Variants in ADAMTS18 observed in about 807,000 individuals in gnomAD.
The protein encoded by ADAMTS18 is ADAM metallopeptidase with thrombospondin type 1 motif 18, also known as A disintegrin and metalloproteinase with thrombospondin motifs 18.
ADAMTS18 carries 157 observed loss-of-function variants against 165.9 expected under a neutral mutation model. The ratio of observed to expected loss-of-function variants is 0.95; its 90% CI spans 0.83 to 1.08. ADAMTS18 has a LOEUF of 1.08. Among genes scored for constraint, ADAMTS18 ranks in the 50% least tolerant of loss-of-function variants. ADAMTS18 has a pLI of 0.00. For missense variants in ADAMTS18, 2,040 were observed against 1,534.0 expected (o/e 1.33, Z -5.51); for synonymous variants, 782 against 578.2 (o/e 1.35, Z -5.06).
intron 3 of ADAMTS18, among the ~76,000 whole-genome samples, chr16:77,426,180 C>T (rs2057670529): frequency 6.6e-6 from 1 of 152,146 alleles, no homozygotes; most frequent in Admixed American, 6.5e-5. Flanking sequence ...TGTTTAGCTT[C>T]CTTTAAACCT....
In ADAMTS18 at chr16:77,434,438, C is replaced by T. The variant is rs1200439414; in HGVS notation, c.158G>A (p.Gly53Asp). The part of the protein sequence containing the change: ...AAALASDSSS[G>D]ASGLNDDYVF... ...CGAACCATCATTTAATCCGCTGGCG[C>T]CGCTGCTGCTGTCACTGGCTAAGGC... The change falls in exon 2 of 23, where the codon GGC (glycine) becomes GAC (aspartate). Residue 53 changes from glycine (G) to aspartate (D), a missense_variant. Coordinates refer to ENST00000282849, the MANE Select transcript of ADAMTS18 (RefSeq NM_199355.4). The T allele has an allele frequency of 2.5e-6, 4 of 1,573,194 alleles. No homozygotes were observed. The highest frequency in any genetic ancestry group is 3.4e-6 in the Non-Finnish European group (4 of 1,165,638).
intron 12 of ADAMTS18, among the ~76,000 whole-genome samples, chr16:77,334,037 TGC>T (rs1285238621): frequency 8.1e-5 from 11 of 136,596 alleles, no homozygotes; most frequent in African/African-American, 3.0e-4. Flanking sequence ...GTGCAATATA[TGC>T]TATATATAAT....
Position 77,325,870 on chromosome 16 carries a change from C to T in ADAMTS18, c.2028G>A (p.Val676=). Residue 676 remains valine (V), a synonymous_variant, in exon 13 of 23, where the codon GTG becomes GTA. Transcript: ENST00000282849. ...WFYQWKPYTK[V]EEEDRCKLYC... ...ATGTCATAGAGACCAAATTACCTTC[C>T]ACTTTTGTATAGGGTTTCCACTGGT... 6.2e-7 allele frequency: 1 copy of T among 1,613,358 alleles called. No homozygotes were observed.
chr16:77,398,071 C>G (rs1027757439), intron 3 of ADAMTS18, among the ~76,000 whole-genome samples: 3 of 152,144 alleles, frequency 2.0e-5, no homozygotes, highest in African/African-American at 7.2e-5. Context: ...AATCCCAGCA[C>G]TTTGGGAGGC....
intron 3 of ADAMTS18, among the ~76,000 whole-genome samples, chr16:77,399,732 T>A (rs1445918135): frequency 1.3e-5 from 2 of 152,130 alleles, no homozygotes; most frequent in African/African-American, 4.8e-5. Context: ...TCAAAACATG[T>A]CAATAGCTAC....
At chr16:77,364,151 T>G in intron 5 of ADAMTS18, 37 bp downstream of exon 5, 1 of 1,613,190 alleles carries the variant, frequency 6.2e-7, no homozygotes, top group Non-Finnish European at 8.5e-7. Context: ...ATTTATTTTC[T>G]TTGGAGAGCC....
intron 22 of ADAMTS18, among the ~76,000 whole-genome samples, chr16:77,288,910 C>T (rs1002901101): frequency 2.6e-5 from 4 of 152,118 alleles, no homozygotes; most frequent in African/African-American, 4.8e-5. Context: ...CATGGTGAAA[C>T]CCTGTCTCTA....
chr16:77,332,724 A>C (rs1567489455), intron 12 of ADAMTS18, among the ~76,000 whole-genome samples: 1 of 152,212 alleles, frequency 6.6e-6, no homozygotes, highest in Non-Finnish European at 1.5e-5. Flanking sequence ...TCATGTGCAC[A>C]GAGCACAAAC....
At chr16:77,358,611 G>A (rs935594042) in intron 8 of ADAMTS18, among the ~76,000 whole-genome samples, 1 of 152,100 alleles carries the variant, frequency 6.6e-6, no homozygotes, top group Non-Finnish European at 1.5e-5. Flanking sequence ...ACCAACTATG[G>A]TTACTGAATG....
intron 10 of ADAMTS18, among the ~76,000 whole-genome samples, chr16:77,346,410 T>C (rs986570759): frequency 1.3e-5 from 2 of 152,166 alleles, no homozygotes; most frequent in African/African-American, 4.8e-5. Context: ...AGACTTTGTA[T>C]TTTAAAATAG....
At chr16:77,324,067 C>G (rs8044883) in intron 13 of ADAMTS18, among the ~76,000 whole-genome samples, 139 of 152,036 alleles carry the variant, frequency 9.1e-4, no homozygotes, top group African/African-American at 3.2e-3. Flanking sequence ...TCTTTAAGGG[C>G]GATAACAGGA....
intron 11 of ADAMTS18, among the ~76,000 whole-genome samples, chr16:77,337,950 C>G (rs1303198549): frequency 6.7e-6 from 1 of 148,348 alleles, no homozygotes; most frequent in East Asian, 2.0e-4. Context: ...GTTGCCCATG[C>G]TGGAATGCAG....
chr16:77,426,578 T>A (rs556477262), intron 3 of ADAMTS18, among the ~76,000 whole-genome samples: 2 of 152,222 alleles, frequency 1.3e-5, no homozygotes, highest in African/African-American at 4.8e-5. Flanking sequence ...ACAATAAAAA[T>A]AGCAGTTGCC....
At chr16:77,286,844 G>C (rs1055819149) in intron 22 of ADAMTS18, among the ~76,000 whole-genome samples, 1 of 152,158 alleles carries the variant, frequency 6.6e-6, no homozygotes, top group Non-Finnish European at 1.5e-5. Flanking sequence ...GACTGCTTTA[G>C]GGCCTTCTCT....
chr16:77,380,852 G>A (rs1199133826), intron 3 of ADAMTS18, among the ~76,000 whole-genome samples: 2 of 151,852 alleles, frequency 1.3e-5, no homozygotes, highest in Non-Finnish European at 2.9e-5. Flanking sequence ...AGCTCTATTT[G>A]TTTTTTGTTG....
intron 20 of ADAMTS18, 108 bp downstream of exon 20, chr16:77,292,968 T>A (rs2055392781): frequency 7.1e-7 from 1 of 1,401,198 alleles, no homozygotes; most frequent in Non-Finnish European, 9.9e-7. Flanking sequence ...TACAGGCGCC[T>A]GCCACCTTGC....
chr16:77,389,596 C>G (rs902433974), intron 3 of ADAMTS18, among the ~76,000 whole-genome samples: 12 of 152,184 alleles, frequency 7.9e-5, no homozygotes, highest in Non-Finnish European at 1.6e-4. Flanking sequence ...AGACCTCTAG[C>G]TGCACCGACA....
intron 3 of ADAMTS18, among the ~76,000 whole-genome samples, chr16:77,382,764 G>A (rs1209914680): frequency 1.3e-5 from 2 of 152,148 alleles, no homozygotes; most frequent in Admixed American, 6.5e-5. Flanking sequence ...AGCATGTCTC[G>A]ATTTAATGGA....
intron 18 of ADAMTS18, among the ~76,000 whole-genome samples, chr16:77,296,570 C>T (rs944223360): frequency 3.9e-5 from 6 of 152,186 alleles, no homozygotes; most frequent in African/African-American, 1.2e-4. Context: ...AAGCACCTCA[C>T]GCCTGTAATG....
Sources: gnomAD v4.1 joint callset for allele counts (sites outside exome capture counted in the v4.1 genomes callset) on GRCh38, gnomAD v4.1.1 for gene constraint, MANE v1.5 for transcripts, NCBI Gene and HGNC (gene_info 2026-07-23, HGNC 2026-07-21) for gene names.